Variants in RAVER2 observed in about 807,000 individuals in gnomAD.
RAVER2 encodes the protein ribonucleoprotein, PTB binding 2.
A neutral mutation model predicts 78.1 loss-of-function variants in RAVER2; 46 were observed. The ratio of observed to expected loss-of-function variants is 0.59; its 90% CI spans 0.46 to 0.75. The LOEUF is 0.75. Ranked by LOEUF, RAVER2 falls within the 30% of genes least tolerant of loss-of-function variation. RAVER2 has a pLI of 0.00. For missense variants in RAVER2, 793 were observed against 837.5 expected (o/e 0.95, Z 0.66); for synonymous variants, 311 against 313.3 (o/e 0.99, Z 0.08).
chr1:64,832,275 T>C (rs987546826), exon 12 of RAVER2: 1 of 152,668 alleles, frequency 6.6e-6, no homozygotes, highest in Non-Finnish European at 1.5e-5. Flanking sequence ...TAATAAGCTA[T>C]ACCTCACTCT....
At chr1:64,809,268 G>C (rs1296085174) in intron 9 of RAVER2, among the ~76,000 whole-genome samples, 2 of 152,094 alleles carry the variant, frequency 1.3e-5, no homozygotes, top group Admixed American at 1.3e-4. Context: ...CAGAGCCCAG[G>C]CAAGCATCTG....
chr1:64,765,485 T>A (rs1205145642), intron 1 of RAVER2, among the ~76,000 whole-genome samples: 1 of 151,944 alleles, frequency 6.6e-6, no homozygotes, highest in African/African-American at 2.4e-5. Flanking sequence ...TAATATTGAG[T>A]CTAAGAATCA....
intron 4 of RAVER2, among the ~76,000 whole-genome samples, chr1:64,782,212 A>T (rs964920515): frequency 1.3e-5 from 2 of 152,132 alleles, no homozygotes; most frequent in African/African-American, 2.4e-5. Context: ...CCGCCTCTTT[A>T]TTCAAGAAGT....
intron 4 of RAVER2, among the ~76,000 whole-genome samples, chr1:64,784,012 G>T (rs781013112): frequency 2.0e-5 from 3 of 152,196 alleles, no homozygotes; most frequent in Admixed American, 6.5e-5. Context: ...TTCTCATTAA[G>T]TTAACAGGGG....
At chr1:64,775,706 C>T (rs1160573306) in intron 2 of RAVER2, among the ~76,000 whole-genome samples, 1 of 152,050 alleles carries the variant, frequency 6.6e-6, no homozygotes, top group Non-Finnish European at 1.5e-5. Context: ...TGAAGCAAAT[C>T]AAGAAAGAGT....
chr1:64,768,702 T>C (rs1652238740), exon 2 of RAVER2: 1 of 1,557,948 alleles, frequency 6.4e-7, no homozygotes, highest in African/African-American at 1.4e-5. Context: ...TATTGTTATG[T>C]GGACAGAAAT....
exon 12 of RAVER2, chr1:64,832,751 C>CTGAT (rs1419097436): frequency 2.0e-5 from 3 of 152,122 alleles, no homozygotes; most frequent in Non-Finnish European, 4.4e-5. Flanking sequence ...CTATAAGTAA[C>CTGAT]TGATAAGAAT....
intron 2 of RAVER2, 85 bp from the exon 3 acceptor site, chr1:64,777,537 TG>T: frequency 9.1e-7 from 1 of 1,102,718 alleles, no homozygotes; most frequent in Non-Finnish European, 1.3e-6. Flanking sequence ...TATGTTTATG[TG>T]TACCAAGTCA....
At chr1:64,800,655 A>G (rs1190098694) in intron 5 of RAVER2, among the ~76,000 whole-genome samples, 1 of 152,158 alleles carries the variant, frequency 6.6e-6, no homozygotes, top group Non-Finnish European at 1.5e-5. Flanking sequence ...CCACTCAAAA[A>G]TGCCTTTTTC....
intron 10 of RAVER2, among the ~76,000 whole-genome samples, chr1:64,814,232 T>G (rs1335770567): frequency 6.6e-6 from 1 of 152,142 alleles, no homozygotes; most frequent in African/African-American, 2.4e-5. Flanking sequence ...GTAGCTGGGA[T>G]TACAGTCATG....
rs1457968710 is a variant in RAVER2 at position 64,747,815 on chromosome 1, T to TCA, written c.249+2395_249+2396dup. On this transcript the variant is annotated intron_variant, in intron 1 of 11. Transcript: ENST00000294428. ...CAGGTGTGAGCCACTGTGCCTGGCC[T>TCA]CATTTCTTTATTTTAGAATATCACT... 2.0e-5 allele frequency among the ~76,000 whole-genome samples: 3 copies of TCA among 152,160 alleles called. No homozygotes were observed. In the East Asian group the frequency reaches 5.8e-4, roughly 29 times the overall value.
chr1:64,756,874 G>A (rs1188687030), intron 1 of RAVER2, among the ~76,000 whole-genome samples: 1 of 152,152 alleles, frequency 6.6e-6, no homozygotes, highest in Admixed American at 6.5e-5. Flanking sequence ...CTTAATTTGG[G>A]TTTGTAGGAG....
intron 11 of RAVER2, among the ~76,000 whole-genome samples, chr1:64,820,796 C>T (rs1653869907): frequency 6.6e-6 from 1 of 152,166 alleles, no homozygotes; most frequent in African/African-American, 2.4e-5. Context: ...ACCACATATC[C>T]AGTCTGTCAT....
At chr1:64,788,180 A>G (rs1343197981) in intron 4 of RAVER2, among the ~76,000 whole-genome samples, 1 of 152,218 alleles carries the variant, frequency 6.6e-6, no homozygotes, top group Non-Finnish European at 1.5e-5. Flanking sequence ...TTTATAAAAA[A>G]GAAGATTTTG....
At chr1:64,789,750 G>A (rs1483468065) in intron 5 of RAVER2, among the ~76,000 whole-genome samples, 2 of 152,050 alleles carry the variant, frequency 1.3e-5, no homozygotes, top group African/African-American at 2.4e-5. Context: ...ATTAATAAAT[G>A]CTAAATATCA....
At chr1:64,791,333 C>T (rs543988562) in intron 5 of RAVER2, among the ~76,000 whole-genome samples, 1 of 152,286 alleles carries the variant, frequency 6.6e-6, no homozygotes, top group African/African-American at 2.4e-5. Flanking sequence ...TGCTTCCATT[C>T]CCTGGAAGTT....
At chr1:64,757,380 A>G (rs1188712108) in intron 1 of RAVER2, among the ~76,000 whole-genome samples, 1 of 152,186 alleles carries the variant, frequency 6.6e-6, no homozygotes, top group African/African-American at 2.4e-5. Context: ...ATGAGGTCAT[A>G]AGGGTGGGTT....
At chr1:64,759,817 A>G (rs1419972067) in intron 1 of RAVER2, among the ~76,000 whole-genome samples, 1 of 152,080 alleles carries the variant, frequency 6.6e-6, no homozygotes, top group Non-Finnish European at 1.5e-5. Context: ...TGCCCGGCCT[A>G]TTTTCAGGTT....
chr1:64,818,395 G>A (rs1653804189), intron 11 of RAVER2, among the ~76,000 whole-genome samples: 2 of 152,230 alleles, frequency 1.3e-5, no homozygotes, highest in South Asian at 2.1e-4. Context: ...AATTAGCCGG[G>A]CGTGGTGGTG....
Sources: gnomAD v4.1 joint callset for allele counts (sites outside exome capture counted in the v4.1 genomes callset) on GRCh38, gnomAD v4.1.1 for gene constraint, MANE v1.5 for transcripts, NCBI Gene and HGNC (gene_info 2026-07-23, HGNC 2026-07-21) for gene names.